Variants in SAMMSON observed in about 807,000 individuals in gnomAD.
SAMMSON encodes the protein long intergenic non-protein coding RNA 1212.
At chr3:70,306,374 G>A (rs1235806126) in intron 7 of SAMMSON, among the ~76,000 whole-genome samples, 2 of 152,136 alleles carry the variant, frequency 1.3e-5, no homozygotes, top group African/African-American at 2.4e-5. Context: ...GCCTCCCAAA[G>A]TGCTGGGATT....
intron 7 of SAMMSON, among the ~76,000 whole-genome samples, chr3:70,352,155 G>C (rs1407944599): frequency 6.7e-6 from 1 of 148,908 alleles, no homozygotes; most frequent in East Asian, 2.0e-4. Flanking sequence ...AAGAAGCTAA[G>C]CAAACCTTCA....
intron 7 of SAMMSON, among the ~76,000 whole-genome samples, chr3:70,322,394 G>C (rs1702544036): frequency 6.6e-6 from 1 of 152,024 alleles, no homozygotes; most frequent in Non-Finnish European, 1.5e-5. Context: ...TCTCCTAATT[G>C]TCAAGTTCTT....
chr3:70,285,502 A>C (rs527685158), intron 6 of SAMMSON, among the ~76,000 whole-genome samples: 1 of 151,956 alleles, frequency 6.6e-6, no homozygotes, highest in African/African-American at 2.4e-5. Context: ...ATTGTGAATA[A>C]TGCCGCAATA....
chr3:70,268,086 A>G (rs1701938157), intron 6 of SAMMSON, among the ~76,000 whole-genome samples: 1 of 148,024 alleles, frequency 6.8e-6, no homozygotes, highest in Non-Finnish European at 1.5e-5. Flanking sequence ...CATTGTTTTT[A>G]GAGTAGTTTT....
intron 3 of SAMMSON, among the ~76,000 whole-genome samples, chr3:70,052,813 G>A (rs1309284343): frequency 3.3e-5 from 5 of 152,072 alleles, no homozygotes; most frequent in Admixed American, 3.3e-4. Context: ...TTGGGAGAAT[G>A]TAGGGACAAA....
chr3:70,424,183 A>C (rs1205934968), intron 2 of SAMMSON, among the ~76,000 whole-genome samples: 11 of 152,202 alleles, frequency 7.2e-5, no homozygotes, highest in Admixed American at 6.5e-4. Flanking sequence ...AATAAGTTTT[A>C]ATATTCCACT....
intron 4 of SAMMSON, among the ~76,000 whole-genome samples, chr3:70,095,174 A>G (rs1004017015): frequency 1.3e-5 from 2 of 152,156 alleles, no homozygotes; most frequent in African/African-American, 4.8e-5. Context: ...TCTTAGGTCT[A>G]CGTGCCAGTA....
intron 7 of SAMMSON, among the ~76,000 whole-genome samples, chr3:70,337,919 C>T (rs1702678207): frequency 6.6e-6 from 1 of 151,446 alleles, no homozygotes; most frequent in African/African-American, 2.4e-5. Flanking sequence ...TTTCCTTCCC[C>T]TAGTTTATTT....
At chr3:70,211,911 T>C (rs561900092) in intron 4 of SAMMSON, among the ~76,000 whole-genome samples, 2 of 151,658 alleles carry the variant, frequency 1.3e-5, no homozygotes, top group East Asian at 3.9e-4. Flanking sequence ...TCCTTTCCTT[T>C]GTCCTTTCCT....
At chr3:70,312,107 A>G in intron 7 of SAMMSON, 1 of 388,764 alleles carries the variant, frequency 2.6e-6, no homozygotes, top group African/African-American at 2.1e-5. Context: ...TCACTGTCCA[A>G]TGTTAAGTCT....
At chr3:70,029,716 G>T (rs2067057222) in intron 3 of SAMMSON, among the ~76,000 whole-genome samples, 1 of 148,806 alleles carries the variant, frequency 6.7e-6, no homozygotes, top group Non-Finnish European at 1.5e-5. Flanking sequence ...GATCACACCA[G>T]TGCATTCCAA....
chr3:70,113,884 C>T (rs2106662361), intron 4 of SAMMSON, among the ~76,000 whole-genome samples: 1 of 152,246 alleles, frequency 6.6e-6, no homozygotes, highest in African/African-American at 2.4e-5. Context: ...TGTGAGTGCA[C>T]AGTGAGAAGG....
rs1161348238 is a variant in SAMMSON, at chr3:70,080,145, A to C, written n.507+8580A>C. On this transcript the variant is annotated intron_variant and non_coding_transcript_variant, in intron 4 of 9. Coordinates refer to ENST00000642114, the Ensembl canonical transcript of SAMMSON. ...TCCAGGATCCAGACTAGGTGAGGTG[A>C]GGACAGCGAAGTGCCTAGAGCACAC... 3.3e-5 allele frequency among the ~76,000 whole-genome samples: 5 copies of C among 152,204 alleles called. No homozygotes were observed. In the East Asian group the frequency reaches 9.6e-4, roughly 29 times the overall value.
In SAMMSON at chr3:70,022,477, G is replaced by A. The variant is rs116341603; in HGVS notation, n.417+8805G>A. On this transcript the variant is annotated intron_variant and non_coding_transcript_variant, in intron 3 of 9. Coordinates refer to ENST00000642114, the Ensembl canonical transcript of SAMMSON. ...AAATTGTATTGTGATACTGCCAGTA[G>A]GGAAGACAGACAACCAGTTATTTAT... is the stretch of plus-strand genomic sequence containing the variant. Among the ~76,000 whole-genome samples, 408 of 149,922 alleles carry A rather than the reference G, an allele frequency of 2.7e-3. 1 individual carries two copies. Among genetic ancestry groups the A allele is most frequent in the African/African-American group, 9.6e-3 (390 of 40,702 alleles).
intron 7 of SAMMSON, among the ~76,000 whole-genome samples, chr3:70,297,030 T>C (rs1401960957): frequency 2.0e-5 from 3 of 152,058 alleles, no homozygotes; most frequent in African/African-American, 7.2e-5. Context: ...ATACTATGGC[T>C]TAACCAAGGT....
chr3:70,171,395 C>G (rs1258753675), intron 4 of SAMMSON, among the ~76,000 whole-genome samples: 3 of 151,730 alleles, frequency 2.0e-5, no homozygotes, highest in Non-Finnish European at 4.4e-5. Flanking sequence ...TATATTTCTC[C>G]TGGAAGATAT....
At chr3:70,194,831 G>A (rs1034576105) in intron 4 of SAMMSON, among the ~76,000 whole-genome samples, 1 of 152,114 alleles carries the variant, frequency 6.6e-6, no homozygotes, top group Non-Finnish European at 1.5e-5. Context: ...CATATTATAG[G>A]AATAGGGTTC....
intron 3 of SAMMSON, among the ~76,000 whole-genome samples, chr3:70,035,486 C>A (rs76461365): frequency 0.012 from 1,775 of 152,220 alleles, 16 homozygotes; most frequent in Non-Finnish European, 0.019. Flanking sequence ...AATTGAATAA[C>A]CAGCAGCTAG....
chr3:70,314,836 T>A (rs1322872705), intron 7 of SAMMSON, among the ~76,000 whole-genome samples: 2 of 152,092 alleles, frequency 1.3e-5, no homozygotes, highest in African/African-American at 4.8e-5. Context: ...CCCACAAACC[T>A]GAGATGCTTC....
Sources: allele counts gnomAD v4.1 joint callset (sites outside exome capture counted in the v4.1 genomes callset), GRCh38; gene constraint gnomAD v4.1.1; transcripts MANE v1.5; gene names NCBI Gene and HGNC (gene_info 2026-07-23, HGNC 2026-07-21).